The following APRT variants were observed in gnomAD, a reference collection of about 807,000 sequenced individuals.
APRT encodes the protein AMP diphosphorylase.
A neutral mutation model predicts 21.0 loss-of-function variants in APRT; 25 were observed. The observed-to-expected ratio is 1.19, with a 90% confidence interval of 0.87 to 1.66. APRT has a LOEUF of 1.66. APRT is among the 40% of genes most tolerant of loss of function. APRT has a pLI of 0.00. For missense variants in APRT, 294 were observed against 232.7 expected (o/e 1.26, Z -1.72); for synonymous variants, 153 against 109.0 (o/e 1.40, Z -2.52).
At chr16:88,811,445 G>T in intron 2 of APRT, 105 bp downstream of exon 2, 1 of 1,259,794 alleles carries the variant, frequency 7.9e-7, no homozygotes, top group Non-Finnish European at 1.1e-6. Flanking sequence ...GGCGCCCCCT[G>T]AAGCACCCCA....
chr16:88,811,779 C>G (rs754780671), intron 1 of APRT, 41 bp downstream of exon 1: 4 of 1,530,206 alleles, frequency 2.6e-6, no homozygotes, highest in Non-Finnish European at 3.5e-6. Context: ...CATCCGTAGG[C>G]CCGCAGGTCG....
chr16:88,811,217 G>A (rs1302585965), intron 2 of APRT: 6 of 474,954 alleles, frequency 1.3e-5, no homozygotes, highest in African/African-American at 8.2e-5. Flanking sequence ...CGTGGCAGGC[G>A]CTCAATACCA....
chr16:88,810,570 T>C lies in APRT; in HGVS notation c.188-14A>G, dbSNP rs575888205. On this transcript the variant is annotated splice_polypyrimidine_tract_variant and intron_variant, in intron 2 of 4. Transcript: ENST00000378364. ...GGGAGTCTAGGCCTGTCAGGGTAAG[T>C]GACAGGAGTGACTCGGCAGCATGGG... is the stretch of plus-strand genomic sequence containing the variant. 2 of 1,609,540 alleles carry C rather than the reference T, an allele frequency of 1.2e-6. No homozygotes were observed. The highest frequency in any genetic ancestry group is 3.4e-5 in the Admixed American group (2 of 59,598).
chr16:88,811,498 C>G, intron 2 of APRT, 52 bp downstream of exon 2: 2 of 1,517,544 alleles, frequency 1.3e-6, no homozygotes, highest in East Asian at 4.9e-5. Context: ...ACGTGCTGCC[C>G]TCGGCGCGCG....
chr16:88,811,341 C>G (rs564839971), intron 2 of APRT: 2 of 600,634 alleles, frequency 3.3e-6, no homozygotes, highest in African/African-American at 3.9e-5. Flanking sequence ...GCTGGGGACC[C>G]GGAACCTGCG....
rs1909025285 is a variant in APRT at position 88,809,586 on chromosome 16, A to G, written c.*112T>C. The G allele has an allele frequency of 6.5e-7, 1 of 1,536,750 alleles. No homozygotes were observed. ...AGCCCCAGGAGAGGCGCTGAACCCC[A>G]GCAAAGGAATGTGTTCCCTGTGGGC... is the stretch of plus-strand genomic sequence containing the variant. On this transcript the variant is annotated 3_prime_UTR_variant, in exon 5 of 5. Coordinates refer to ENST00000378364, the MANE Select transcript of APRT (RefSeq NM_000485.3).
Position 88,811,804 on chromosome 16 carries a change from C to T in APRT, c.80+16G>A. Reference sequence around the variant, plus strand: ...CCCGCAGGTCGGGGCGCCACGAGGGCGGCCTGTGCGTGCACCTGAATACCA... The same window carrying T: ...CCCGCAGGTCGGGGCGCCACGAGGGTGGCCTGTGCGTGCACCTGAATACCA... On this transcript the variant is annotated intron_variant, in intron 1 of 4. Coordinates refer to ENST00000378364, the MANE Select transcript of APRT (RefSeq NM_000485.3). 1 of 1,552,356 alleles carries T rather than the reference C, an allele frequency of 6.4e-7. No individual in the cohort carries two copies. Among genetic ancestry groups the T allele is most frequent in the South Asian group, 1.2e-5 (1 of 84,362 alleles).
rs989947379 is a variant in APRT at position 88,809,635 on chromosome 16, G to A, written c.*63C>T. The A allele has an allele frequency of 3.7e-6, 6 of 1,609,432 alleles. No individual in the cohort carries two copies. In the East Asian group the frequency reaches 1.1e-4, roughly 30 times the overall value. ...GCAGCCGGTGCCCCTGGTCACTGCA[G>A]TTGCCCAAGGCTGATATTTCCCTGG... On this transcript the variant is annotated 3_prime_UTR_variant, in exon 5 of 5. Coordinates refer to ENST00000378364, the MANE Select transcript of APRT (RefSeq NM_000485.3).
At chr16:88,811,747 G>C in intron 1 of APRT, 73 bp downstream of exon 1, 2 of 1,504,192 alleles carry the variant, frequency 1.3e-6, no homozygotes, top group South Asian at 2.5e-5. Context: ...CGCCCGCCCG[G>C]AGGTCGCGGG....
Position 88,809,710 on chromosome 16 carries a change from CAGGAG to C in APRT, c.526_530del (p.Leu176AlafsTer3), listed in dbSNP as rs755380873. 1.2e-6 allele frequency: 2 copies of C among 1,613,430 alleles called. No homozygotes were observed. The highest frequency in any genetic ancestry group is 2.2e-5 in the South Asian group (2 of 91,084). On this transcript the variant is annotated frameshift_variant, in exon 5 of 5. Coordinates refer to ENST00000378364, the MANE Select transcript of APRT (RefSeq NM_000485.3). LOFTEE classifies it high-confidence loss of function. ...GGAGGCCCTGTGGTCACTCATACTG[CAGGAG>C]AGAGAAGAAGGGTACAGGTGCCAGC...
Position 88,809,701 on chromosome 16 carries a change from C to G in APRT, c.540G>C (p.Glu180Asp). ...PVPFFSLLQY[E>D] ...GTTGGGCTGGGAGGCCCTGTGGTCA[C>G]TCATACTGCAGGAGAGAGAAGAAGG... The change falls in exon 5 of 5, where the codon GAG (glutamate) becomes GAC (aspartate). Residue 180 changes from glutamate to aspartate, a missense_variant. Glu to Asp is a conservative substitution (Grantham distance 45). Transcript: ENST00000378364. 6.2e-7 allele frequency: 1 copy of G among 1,613,412 alleles called. No homozygotes were observed. Among genetic ancestry groups the G allele is most frequent in the East Asian group, 2.2e-5 (1 of 44,890 alleles).
Position 88,810,147 on chromosome 16 carries a change from G to C in APRT, c.323C>G (p.Ala108Gly). 6.2e-7 allele frequency: 1 copy of C among 1,612,764 alleles called. No homozygotes were observed. The highest frequency in any genetic ancestry group is 2.2e-5 in the East Asian group (1 of 44,892). The stretch of plus-strand genomic sequence containing the variant: ...GGCGTCTTTCTGAATCTCCAGCTCA[G>C]CCTGGAGTGGGAAGTGGTGTGTGGT... ...WASYSLEYGK[A>G]ELEIQKDALE... Residue 108 changes from alanine to glycine, a missense_variant and splice_region_variant, in exon 4 of 5, where the codon GCT becomes GGT. Physicochemically the swap from Ala to Gly is moderately conservative, Grantham distance 60. Transcript: ENST00000378364.
chr16:88,811,212 C>T, intron 2 of APRT: 1 of 474,064 alleles, frequency 2.1e-6, no homozygotes, highest in Non-Finnish European at 3.7e-6. Flanking sequence ...TGGCTCGTGG[C>T]AGGCGCTCAA....
chr16:88,811,429 C>A, intron 2 of APRT, 121 bp downstream of exon 2: 2 of 1,084,806 alleles, frequency 1.8e-6, no homozygotes, highest in Non-Finnish European at 2.7e-6. Flanking sequence ...GCACGGCGCC[C>A]GTCCCGGCGC....
In APRT at chr16:88,810,120, A is replaced by G. The variant is rs1447320225; in HGVS notation, c.350T>C (p.Leu117Pro). 6.2e-7 allele frequency: 1 copy of G among 1,613,284 alleles called. No individual in the cohort carries two copies. The highest frequency in any genetic ancestry group is 1.3e-5 in the African/African-American group (1 of 75,058). Residue 117 changes from leucine (L) to proline (P), a missense_variant, in exon 4 of 5, where the codon CTG becomes CCG. Leu to Pro is a moderately conservative substitution (Grantham distance 98). Transcript: ENST00000378364. ...KAELEIQKDALEPGQRVVVVD... is the reference protein window; with the variant it reads ...KAELEIQKDAPEPGQRVVVVD... Reference sequence around the variant, plus strand: ...GACGACCACCCTCTGTCCTGGCTCCAGGGCGTCTTTCTGAATCTCCAGCTC... The same window carrying G: ...GACGACCACCCTCTGTCCTGGCTCCGGGGCGTCTTTCTGAATCTCCAGCTC...
intron 4 of APRT, 75 bp downstream of exon 4, chr16:88,809,995 G>C: frequency 6.3e-7 from 1 of 1,577,012 alleles, no homozygotes; most frequent in Non-Finnish European, 8.7e-7. Flanking sequence ...TGCATCCCAT[G>C]TCACACAGCG....
At position 88,811,604 on chromosome 16, in the gene APRT, G is replaced by A; in HGVS notation, c.133C>T (p.Leu45Phe). ...DPASFRAAIGLLARHLKATHG... is the reference protein window; with the variant it reads ...DPASFRAAIGFLARHLKATHG... Reference sequence around the variant, plus strand: ...GTCGCCTTCAGGTGTCGCGCCAGGAGGCCGATGGCGGCGCGGAAGGAGGCG... The same window carrying A: ...GTCGCCTTCAGGTGTCGCGCCAGGAAGCCGATGGCGGCGCGGAAGGAGGCG... The change falls in exon 2 of 5, where the codon CTC (leucine) becomes TTC (phenylalanine). Residue 45 changes from leucine (L) to phenylalanine (F), a missense_variant. Transcript: ENST00000378364. 3 of 1,604,214 alleles carry A rather than the reference G, an allele frequency of 1.9e-6. No individual in the cohort carries two copies. The highest frequency in any genetic ancestry group is 1.7e-5 in the Admixed American group (1 of 59,230).
At position 88,810,083 on chromosome 16, in the gene APRT, C is replaced by T; in HGVS notation, c.387G>A (p.Leu129=). The change falls in exon 4 of 5, where the codon CTG becomes CTA. Residue 129 remains leucine (L), a synonymous_variant. Coordinates refer to ENST00000378364, the MANE Select transcript of APRT (RefSeq NM_000485.3). ...GGAGACCCTTACCACCAGTGGCCAG[C>T]AGATCATCCACGACGACCACCCTCT... ...PGQRVVVVDD[L]LATGGTMNAA... 1 of 1,613,236 alleles carries T rather than the reference C, an allele frequency of 6.2e-7. No individual in the cohort carries two copies. Among genetic ancestry groups the T allele is most frequent in the South Asian group, 1.1e-5 (1 of 91,088 alleles).
At chr16:88,810,683 T>A in intron 2 of APRT, 127 bp from the exon 3 acceptor site, 1 of 1,274,610 alleles carries the variant, frequency 7.8e-7, no homozygotes, top group African/African-American at 1.5e-5. Context: ...ATTTAAGGAA[T>A]GTTACCCATC....
Sources: allele counts gnomAD v4.1 joint callset, GRCh38; gene constraint gnomAD v4.1.1; transcripts MANE v1.5; gene names NCBI Gene and HGNC (gene_info 2026-07-23, HGNC 2026-07-21).